ZNF804B: variants seen among roughly 807,000 people sequenced by gnomAD.
ZNF804B encodes the protein zinc finger protein 804B.
ZNF804B carries 80 observed loss-of-function variants against 101.4 expected under a neutral mutation model. The ratio of observed to expected loss-of-function variants is 0.79; its 90% CI spans 0.66 to 0.95. The LOEUF is 0.95. Ranked by LOEUF, ZNF804B falls within the 40% of genes least tolerant of loss-of-function variation. ZNF804B has a pLI of 0.00. For missense variants in ZNF804B, 1,673 were observed against 1,561.9 expected (o/e 1.07, Z -1.20); for synonymous variants, 622 against 558.8 (o/e 1.11, Z -1.59).
At chr7:89,035,293 A>C (rs995783659) in intron 1 of ZNF804B, among the ~76,000 whole-genome samples, 2 of 151,420 alleles carry the variant, frequency 1.3e-5, no homozygotes, top group Non-Finnish European at 2.9e-5. Context: ...TCATTAAAAA[A>C]CTCTTTTGGT....
intron 1 of ZNF804B, among the ~76,000 whole-genome samples, chr7:88,773,449 A>AT (rs1305105114): frequency 1.3e-5 from 2 of 152,314 alleles, no homozygotes; most frequent in South Asian, 4.1e-4. Context: ...TTCAACAAGT[A>AT]TTTTTTAAGA....
intron 1 of ZNF804B, among the ~76,000 whole-genome samples, chr7:89,132,630 G>A (rs1220591679): frequency 1.3e-5 from 2 of 152,056 alleles, no homozygotes; most frequent in South Asian, 2.1e-4. Flanking sequence ...TTTTTTATGT[G>A]AGCAGTTTTG....
At chr7:89,212,321 C>CCTAT (rs1788818567) in intron 1 of ZNF804B, among the ~76,000 whole-genome samples, 1 of 150,542 alleles carries the variant, frequency 6.6e-6, no homozygotes, top group Admixed American at 6.6e-5. Flanking sequence ...ACATTGAGTA[C>CCTAT]CTATATAGGG....
At chr7:89,253,483 T>A (rs1789574242) in intron 2 of ZNF804B, among the ~76,000 whole-genome samples, 1 of 152,120 alleles carries the variant, frequency 6.6e-6, no homozygotes, top group Admixed American at 6.6e-5. Flanking sequence ...AACATATATA[T>A]GAAATGAATA....
intron 1 of ZNF804B, among the ~76,000 whole-genome samples, chr7:89,042,184 G>A (rs1789025841): frequency 6.6e-6 from 1 of 152,128 alleles, no homozygotes. Flanking sequence ...ATATTTACTT[G>A]CTGTGCACTT....
chr7:88,954,559 C>CG (rs1205021298), intron 1 of ZNF804B, among the ~76,000 whole-genome samples: 1 of 151,036 alleles, frequency 6.6e-6, no homozygotes, highest in Non-Finnish European at 1.5e-5. Context: ...AAACATGCCC[C>CG]CCCCCCACCA....
intron 2 of ZNF804B, among the ~76,000 whole-genome samples, chr7:89,295,879 A>G (rs1338187549): frequency 6.6e-6 from 1 of 152,118 alleles, no homozygotes; most frequent in African/African-American, 2.4e-5. Flanking sequence ...GGAGGACACT[A>G]TTCTAAGTAA....
intron 2 of ZNF804B, among the ~76,000 whole-genome samples, chr7:89,319,549 A>C (rs1790787027): frequency 6.6e-6 from 1 of 152,202 alleles, no homozygotes; most frequent in Non-Finnish European, 1.5e-5. Context: ...TCCTGTGTCC[A>C]AGTCACAGGT....
At chr7:89,109,672 T>A (rs988062147) in intron 1 of ZNF804B, among the ~76,000 whole-genome samples, 1 of 152,216 alleles carries the variant, frequency 6.6e-6, no homozygotes, top group African/African-American at 2.4e-5. Flanking sequence ...ATTCCCTCTT[T>A]ACTCAAATGC....
At chr7:89,014,844 G>A (rs1160303770) in intron 1 of ZNF804B, among the ~76,000 whole-genome samples, 1 of 152,158 alleles carries the variant, frequency 6.6e-6, no homozygotes, top group Non-Finnish European at 1.5e-5. Flanking sequence ...TTGTGCAGAA[G>A]TTTTGTTGCT....
intron 1 of ZNF804B, among the ~76,000 whole-genome samples, chr7:89,173,579 A>G (rs1015573121): frequency 6.6e-6 from 1 of 152,088 alleles, no homozygotes; most frequent in African/African-American, 2.4e-5. Flanking sequence ...CTATATTTCT[A>G]AAATAGAATA....
intron 1 of ZNF804B, among the ~76,000 whole-genome samples, chr7:89,080,890 A>T (rs1789687397): frequency 6.6e-6 from 1 of 151,964 alleles, no homozygotes; most frequent in Non-Finnish European, 1.5e-5. Flanking sequence ...CTAAGTCCTA[A>T]ATATGTGCTA....
At chr7:89,218,433 G>T (rs1788930383) in intron 2 of ZNF804B, 138 bp downstream of exon 2, 2 of 1,053,524 alleles carry the variant, frequency 1.9e-6, no homozygotes, top group Admixed American at 6.1e-5. Flanking sequence ...CCCTGGAAAG[G>T]TTGTGTTTTG....
chr7:88,785,787 T>C (rs1790293330), intron 1 of ZNF804B, among the ~76,000 whole-genome samples: 1 of 152,118 alleles, frequency 6.6e-6, no homozygotes, highest in South Asian at 2.1e-4. Context: ...GATAAGTACA[T>C]AAAATCTCCT....
At chr7:88,798,855 C>G (rs2115704753) in intron 1 of ZNF804B, among the ~76,000 whole-genome samples, 1 of 152,180 alleles carries the variant, frequency 6.6e-6, no homozygotes, top group Middle Eastern at 3.4e-3. Flanking sequence ...AAGTTATTTA[C>G]CTTCAGATGG....
chr7:88,871,043 G>T (rs971761769), intron 1 of ZNF804B, among the ~76,000 whole-genome samples: 1 of 152,098 alleles, frequency 6.6e-6, no homozygotes, highest in Non-Finnish European at 1.5e-5. Flanking sequence ...TCTATTAAAA[G>T]ATTGATAATT....
At chr7:89,254,060 T>C (rs1789585966) in intron 2 of ZNF804B, among the ~76,000 whole-genome samples, 1 of 152,164 alleles carries the variant, frequency 6.6e-6, no homozygotes, top group Admixed American at 6.5e-5. Context: ...TGAAACCTTC[T>C]TTTAAAATTG....
At chr7:88,845,997 G>GTTATTTA (rs1791367851) in intron 1 of ZNF804B, among the ~76,000 whole-genome samples, 1 of 152,182 alleles carries the variant, frequency 6.6e-6, no homozygotes, top group African/African-American at 2.4e-5. Context: ...AGAAGTCTGA[G>GTTATTTA]ATCTTATTTA....
intron 1 of ZNF804B, among the ~76,000 whole-genome samples, chr7:89,121,193 G>A (rs1307956671): frequency 3.3e-5 from 5 of 152,158 alleles, no homozygotes; most frequent in African/African-American, 1.2e-4. Flanking sequence ...TGTCTGGCTA[G>A]ATCAACTATT....
Sources: allele counts gnomAD v4.1 joint callset (sites outside exome capture counted in the v4.1 genomes callset), GRCh38; gene constraint gnomAD v4.1.1; transcripts MANE v1.5; gene names NCBI Gene and HGNC (gene_info 2026-07-23, HGNC 2026-07-21).